EBF4: variants seen among roughly 807,000 people sequenced by gnomAD.
The protein encoded by EBF4 is transcription factor COE4.
Under a neutral mutation model 67.1 loss-of-function variants are expected in EBF4, and 34 were observed. That is an observed-to-expected ratio of 0.51 (90% CI 0.39 to 0.67). The LOEUF is 0.67. EBF4 is among the 30% of genes least tolerant of loss of function. EBF4 has a pLI of 0.00. For missense variants in EBF4, 837 were observed against 873.3 expected (o/e 0.96, Z 0.52); for synonymous variants, 387 against 377.7 (o/e 1.02, Z -0.29).
intron 6 of EBF4, among the ~76,000 whole-genome samples, chr20:2,731,734 T>C (rs1425509711): frequency 6.6e-6 from 1 of 152,224 alleles, no homozygotes; most frequent in African/African-American, 2.4e-5. Flanking sequence ...CTCTCTCTCT[T>C]AAGCAAACCC....
At position 2,745,215 on chromosome 20, in the gene EBF4, G is replaced by A. The variant is rs904529298; in HGVS notation, c.558-3334G>A. Among the ~76,000 whole-genome samples, 4 of 152,216 alleles carry A rather than the reference G, an allele frequency of 2.6e-5. No homozygotes were observed. The highest frequency in any genetic ancestry group is 9.6e-5 in the African/African-American group (4 of 41,452). Reference sequence around the variant, plus strand: ...TAGCAAGGTCTCAGGTGACGCTGACGCTGCTGGTCTTAGGGGGTGGTGCAG... The same window carrying A: ...TAGCAAGGTCTCAGGTGACGCTGACACTGCTGGTCTTAGGGGGTGGTGCAG... On this transcript the variant is annotated intron_variant, in intron 6 of 16. Transcript: ENST00000609451. This position sits in a 1 kb window ranked among gnomAD's most constrained non-coding sequence, Gnocchi z 5.2.
chr20:2,717,005 T>C (rs1048367241), intron 6 of EBF4, among the ~76,000 whole-genome samples: 18 of 152,136 alleles, frequency 1.2e-4, no homozygotes, highest in Non-Finnish European at 2.5e-4. Flanking sequence ...CCTCTTAGAG[T>C]TTTAAGCAAT....
chr20:2,753,424 G>T (rs1429518256), intron 14 of EBF4, among the ~76,000 whole-genome samples: 1 of 152,246 alleles, frequency 6.6e-6, no homozygotes, highest in Non-Finnish European at 1.5e-5. Context: ...TCAAGTTCCA[G>T]ATCAGCATGT....
At chr20:2,738,469 G>A (rs2087921438) in intron 6 of EBF4, among the ~76,000 whole-genome samples, 1 of 152,148 alleles carries the variant, frequency 6.6e-6, no homozygotes, top group African/African-American at 2.4e-5. Context: ...CCAGGCTTGA[G>A]AGGACTTGTG....
At chr20:2,722,980 T>C (rs963836802) in intron 6 of EBF4, among the ~76,000 whole-genome samples, 1 of 152,226 alleles carries the variant, frequency 6.6e-6, no homozygotes, top group Non-Finnish European at 1.5e-5. Context: ...TTCAAGTCTA[T>C]CTTTACTTAT....
In EBF4 at chr20:2,755,041, A is replaced by T. The variant is rs1251851616; in HGVS notation, c.1541-586A>T. The T allele has an allele frequency of 6.8e-6, 1 of 147,058 alleles. No individual in the cohort carries two copies. The highest frequency in any genetic ancestry group is 1.5e-5 in the Non-Finnish European group (1 of 67,464). 9.1% of individuals were successfully genotyped at this position (147,058 alleles called of 1,614,324 possible). On this transcript the variant is annotated intron_variant, in intron 14 of 16. Transcript: ENST00000609451. This position sits in a 1 kb window ranked among gnomAD's most constrained non-coding sequence, Gnocchi z 4.7. The stretch of plus-strand genomic sequence containing the variant: ...AAGCTGTAAGGAAACAAAGTACCCC[A>T]GGGTGCAGGGGGAAGTGGGAGAGGG...
chr20:2,753,084 A>G (rs561534826), intron 14 of EBF4, among the ~76,000 whole-genome samples: 1 of 152,370 alleles, frequency 6.6e-6, no homozygotes, highest in African/African-American at 2.4e-5. Flanking sequence ...GTGATCAGAC[A>G]GAATTTGAGT....
exon 9 of EBF4, chr20:2,749,622 G>A: frequency 6.4e-7 from 1 of 1,556,904 alleles, no homozygotes. Context: ...CCTCCCAGCT[G>A]CCACCCCCTG....
chr20:2,759,424 C>A, downstream of EBF4: 1 of 217,592 alleles, frequency 4.6e-6, no homozygotes, highest in Non-Finnish European at 9.3e-6. Context: ...GCTCAAGCCT[C>A]CCCGCTAGCA....
rs145884173 is a variant in EBF4, at chr20:2,724,919, A to G, written c.557+15277A>G. The stretch of plus-strand genomic sequence containing the variant: ...ATCCTTTCTCAAAAAAGAAAAAGAA[A>G]AGTTCAGCATAATTGTCATTCTTTT... On this transcript the variant is annotated intron_variant, in intron 6 of 16. Transcript: ENST00000609451. 4.2e-3 allele frequency among the ~76,000 whole-genome samples: 647 copies of G among 152,288 alleles called. 5 individuals carry two copies. Among genetic ancestry groups the G allele is most frequent in the African/African-American group, 0.014 (599 of 41,554 alleles).
intron 6 of EBF4, among the ~76,000 whole-genome samples, chr20:2,731,403 A>C (rs541427522): frequency 2.0e-5 from 3 of 152,232 alleles, no homozygotes; most frequent in Non-Finnish European, 4.4e-5. Context: ...GTATAGCCCA[A>C]ACAGGCTCAG....
At position 2,751,764 on chromosome 20, in the gene EBF4, C is replaced by T. The variant is rs1342010049; in HGVS notation, c.1083C>T (p.Pro361=). The T allele has an allele frequency of 2.0e-6, 3 of 1,487,710 alleles. No homozygotes were observed. The highest frequency in any genetic ancestry group is 2.7e-6 in the Non-Finnish European group (3 of 1,107,094). 92.2% of individuals were successfully genotyped at this position (1,487,710 alleles called of 1,614,324 possible). A position where few individuals can be genotyped will look rare whatever the true frequency, so the allele number is the denominator to read the frequency against. ...TACAGAAAGTCATTCCCAGACACCC[C>T]GGAGACCCCGAGAGGCTGCCCAAGG... Residue 361 remains proline, a synonymous_variant, in exon 11 of 17, where the codon CCC becomes CCT. Transcript: ENST00000609451. This position sits in a 1 kb window ranked among gnomAD's most constrained non-coding sequence, Gnocchi z 5.2.
rs1166731244 is a variant in EBF4 at position 2,749,838 on chromosome 20, C to T, written c.892-9C>T. 1 of 1,547,760 alleles carries T rather than the reference C, an allele frequency of 6.5e-7. No individual in the cohort carries two copies. Among genetic ancestry groups the T allele is most frequent in the Non-Finnish European group, 8.7e-7 (1 of 1,144,874 alleles). The stretch of plus-strand genomic sequence containing the variant: ...GCGGGACCTGCAGGCCTCCCCTCTC[C>T]CCTCGCAGCTCATCACGCCCCACGC... On this transcript the variant is annotated splice_polypyrimidine_tract_variant and intron_variant, in intron 9 of 16. Transcript: ENST00000609451.
chr20:2,751,445 C>CAA lies in EBF4; in HGVS notation c.1019-254_1019-253dup, dbSNP rs768318957. Among the ~76,000 whole-genome samples the CAA allele has an allele frequency of 1.3e-5, 2 of 152,266 alleles. No individual in the cohort carries two copies. Among genetic ancestry groups the CAA allele is most frequent in the Non-Finnish European group, 2.9e-5 (2 of 68,010 alleles). ...CAAATGGGTGCATGTGTGTTCATAC[C>CAA]AAGCGCCTAGGGCCGAGGACAGAGG... On this transcript the variant is annotated intron_variant, in intron 10 of 16. Transcript: ENST00000609451. This position sits in a 1 kb window ranked among gnomAD's most constrained non-coding sequence, Gnocchi z 5.2.
chr20:2,753,271 C>T (rs1311581097), intron 14 of EBF4, among the ~76,000 whole-genome samples: 1 of 152,168 alleles, frequency 6.6e-6, no homozygotes, highest in Non-Finnish European at 1.5e-5. Context: ...TGACTGTGGG[C>T]GCTGACCACA....
At chr20:2,706,072 C>T (rs1600205413) in intron 3 of EBF4, 35 bp downstream of exon 3, 1 of 1,549,262 alleles carries the variant, frequency 6.5e-7, no homozygotes, top group African/African-American at 1.4e-5. Context: ...CAGCCCTGCC[C>T]CTGAAGTCTG....
chr20:2,743,321 T>C (rs998155573), intron 6 of EBF4, among the ~76,000 whole-genome samples: 3 of 152,194 alleles, frequency 2.0e-5, no homozygotes, highest in Non-Finnish European at 2.9e-5. Context: ...GCAGTCTCTC[T>C]AGGTCCAGGG....
chr20:2,743,793 A>C (rs1450133457), intron 6 of EBF4, among the ~76,000 whole-genome samples: 1 of 152,228 alleles, frequency 6.6e-6, no homozygotes, highest in Non-Finnish European at 1.5e-5. Flanking sequence ...TCCAAGTCAT[A>C]TGAATTTGGG....
intron 6 of EBF4, among the ~76,000 whole-genome samples, chr20:2,720,102 T>A (rs879505051): frequency 6.6e-6 from 1 of 152,224 alleles, no homozygotes; most frequent in Non-Finnish European, 1.5e-5. Flanking sequence ...TTATGTCTTC[T>A]TGTTTAATTG....
Sources: allele counts gnomAD v4.1 joint callset (sites outside exome capture counted in the v4.1 genomes callset), GRCh38; gene constraint gnomAD v4.1.1; non-coding constraint Gnocchi (gnomAD v3.1); transcripts MANE v1.5; gene names NCBI Gene and HGNC (gene_info 2026-07-23, HGNC 2026-07-21).